The following AGAP1 variants were observed in gnomAD, a reference collection of about 807,000 sequenced individuals.
AGAP1 encodes the protein ArfGAP with GTPase domain, ankyrin repeat and PH domain 1, also known as arf-GAP with GTPase, ANK repeat and PH domain-containing protein 1.
A neutral mutation model predicts 105.3 loss-of-function variants in AGAP1; 29 were observed. The observed-to-expected ratio is 0.28, with a 90% CI of 0.21 to 0.38. AGAP1 has a LOEUF of 0.38. AGAP1 is among the 10% of genes least tolerant of loss of function. The probability of loss-of-function intolerance (pLI) is 1.00; values close to 1 mark genes in which losing one functional copy is unlikely to be tolerated. For synonymous variants in AGAP1, 509 were observed against 485.9 expected (o/e 1.05, Z -0.63); for missense variants, 998 against 1,165.1 (o/e 0.86, Z 2.09).
At chr2:235,706,903 A>G (rs946218662) in intron 1 of AGAP1, among the ~76,000 whole-genome samples, 2 of 152,234 alleles carry the variant, frequency 1.3e-5, no homozygotes, top group African/African-American at 4.8e-5. Context: ...GATAACAGAA[A>G]GAAGTGTTTT....
intron 11 of AGAP1, among the ~76,000 whole-genome samples, chr2:235,915,565 A>G (rs2051836859): frequency 6.6e-6 from 1 of 152,120 alleles, no homozygotes; most frequent in Non-Finnish European, 1.5e-5. Flanking sequence ...CTGTGGTCCC[A>G]GGGGAGACTG....
At chr2:236,008,300 C>A (rs901651804) in intron 13 of AGAP1, among the ~76,000 whole-genome samples, 1 of 152,152 alleles carries the variant, frequency 6.6e-6, no homozygotes, top group African/African-American at 2.4e-5. Flanking sequence ...AGCCATGGAG[C>A]CTCAGTGTCA....
At chr2:235,527,778 G>A (rs1383487692) in intron 1 of AGAP1, among the ~76,000 whole-genome samples, 1 of 152,174 alleles carries the variant, frequency 6.6e-6, no homozygotes, top group Non-Finnish European at 1.5e-5. Context: ...GCATTTCAAG[G>A]TGCAGTGTTT....
At chr2:235,996,651 G>A (rs1170321838) in intron 13 of AGAP1, among the ~76,000 whole-genome samples, 2 of 152,220 alleles carry the variant, frequency 1.3e-5, no homozygotes, top group African/African-American at 4.8e-5. Context: ...TTCATCTGGA[G>A]TAAGGAGAGA....
intron 1 of AGAP1, among the ~76,000 whole-genome samples, chr2:235,564,558 T>A (rs1944277544): frequency 6.6e-6 from 1 of 152,182 alleles, no homozygotes; most frequent in Admixed American, 6.5e-5. Flanking sequence ...CTGCCTGCCT[T>A]GAGCCTGACA....
At chr2:235,791,966 G>T (rs1282265199) in intron 6 of AGAP1, among the ~76,000 whole-genome samples, 1 of 152,180 alleles carries the variant, frequency 6.6e-6, no homozygotes, top group Admixed American at 6.5e-5. Context: ...ATATTTTCGT[G>T]GAGTAAAATT....
At chr2:235,863,707 A>C (rs2049031129) in intron 9 of AGAP1, among the ~76,000 whole-genome samples, 1 of 152,226 alleles carries the variant, frequency 6.6e-6, no homozygotes, top group Non-Finnish European at 1.5e-5. Flanking sequence ...AATGCAAGGC[A>C]GCAGCATGGG....
At chr2:235,947,668 G>A (rs1330652769) in intron 12 of AGAP1, among the ~76,000 whole-genome samples, 1 of 152,092 alleles carries the variant, frequency 6.6e-6, no homozygotes, top group Non-Finnish European at 1.5e-5. Context: ...CTAAAGGGAG[G>A]GACTGTCTTG....
chr2:236,032,042 A>G (rs564116956), intron 13 of AGAP1, among the ~76,000 whole-genome samples: 4 of 152,330 alleles, frequency 2.6e-5, no homozygotes, highest in African/African-American at 9.6e-5. Flanking sequence ...GGGGTCCAAG[A>G]GAAGGAATTC....
At chr2:235,846,156 C>T (rs943869280) in intron 9 of AGAP1, among the ~76,000 whole-genome samples, 1 of 152,132 alleles carries the variant, frequency 6.6e-6, no homozygotes, top group Non-Finnish European at 1.5e-5. Context: ...CCTTGTAAAT[C>T]ATTTACTGGA....
chr2:235,763,313 A>T (rs997626940), intron 6 of AGAP1, among the ~76,000 whole-genome samples: 1 of 151,794 alleles, frequency 6.6e-6, no homozygotes, highest in African/African-American at 2.4e-5. Flanking sequence ...AAAAAAAAAA[A>T]TTAAAACACC....
intron 12 of AGAP1, among the ~76,000 whole-genome samples, chr2:235,954,249 A>C (rs957183454): frequency 6.6e-6 from 1 of 151,954 alleles, no homozygotes; most frequent in African/African-American, 2.4e-5. Flanking sequence ...CAAAAAAAAA[A>C]AAAAAAATCA....
intron 11 of AGAP1, among the ~76,000 whole-genome samples, chr2:235,912,878 G>T (rs114835961): frequency 6.6e-6 from 1 of 152,094 alleles, no homozygotes; most frequent in Non-Finnish European, 1.5e-5. Context: ...TTCTTTAATC[G>T]GTAATGAAGT....
chr2:236,102,585 TAAA>T (rs372649210), intron 16 of AGAP1, among the ~76,000 whole-genome samples: 38 of 134,576 alleles, frequency 2.8e-4, no homozygotes, highest in African/African-American at 7.4e-4. Context: ...GAGAGACTGT[TAAA>T]AAAAAAAAAA....
intron 9 of AGAP1, among the ~76,000 whole-genome samples, chr2:235,835,411 G>A (rs556005262): frequency 6.6e-6 from 1 of 152,204 alleles, no homozygotes; most frequent in African/African-American, 2.4e-5. Context: ...TCCTCAGCTT[G>A]GAGCGTTTTT....
intron 16 of AGAP1, among the ~76,000 whole-genome samples, chr2:236,102,503 A>G (rs544839658): frequency 3.4e-5 from 5 of 148,794 alleles, no homozygotes; most frequent in African/African-American, 1.2e-4. Context: ...CAGGAGAATC[A>G]CTTGAACCCG....
rs1216598673 is a variant in AGAP1 at position 236,036,666 on chromosome 2, A to G, written c.1751A>G (p.Glu584Gly). ...CGGGACGCCTGGGTCCAAGCCATCG[A>G]GAGCCAGATCCTGGCCAGCCTGCAG... is the stretch of plus-strand genomic sequence containing the variant. ...EERDAWVQAI[E>G]SQILASLQSC... is the part of the protein sequence containing the mutation. Residue 584 changes from glutamate (E) to glycine (G), a missense_variant, in exon 14 of 18, where the codon GAG (glutamate) becomes GGG (glycine). Glu to Gly is a moderately conservative substitution (Grantham distance 98). Coordinates refer to ENST00000304032, the MANE Select transcript of AGAP1 (RefSeq NM_001037131.3). The surrounding 1 kb of genome is among the most constrained non-coding windows in gnomAD (Gnocchi z 5.7). 1 of 1,614,232 alleles carries G rather than the reference A, an allele frequency of 6.2e-7. No individual in the cohort carries two copies. The highest frequency in any genetic ancestry group is 8.5e-7 in the Non-Finnish European group (1 of 1,180,040).
chr2:235,897,054 C>CT (rs1181966983), intron 10 of AGAP1, among the ~76,000 whole-genome samples: 1 of 152,050 alleles, frequency 6.6e-6, no homozygotes, highest in African/African-American at 2.4e-5. Context: ...CCTCTTATTT[C>CT]TTTTTTTGTT....
intron 9 of AGAP1, among the ~76,000 whole-genome samples, chr2:235,815,346 TC>T (rs1958392349): frequency 6.6e-6 from 1 of 152,206 alleles, no homozygotes; most frequent in Non-Finnish European, 1.5e-5. Flanking sequence ...TGCTGTGTCC[TC>T]CCGTGGCCTG....
Sources: allele counts gnomAD v4.1 joint callset (sites outside exome capture counted in the v4.1 genomes callset), GRCh38; gene constraint gnomAD v4.1.1; non-coding constraint Gnocchi (gnomAD v3.1); transcripts MANE v1.5; gene names NCBI Gene and HGNC (gene_info 2026-07-23, HGNC 2026-07-21).